The following SH3RF3 variants were observed in gnomAD, a reference collection of about 807,000 sequenced individuals.
SH3RF3 encodes the protein E3 ubiquitin-protein ligase SH3RF3.
Under a neutral mutation model 66.3 loss-of-function variants are expected in SH3RF3, and 29 were observed. That is an observed-to-expected ratio of 0.44 (90% CI 0.33 to 0.60). The LOEUF (loss-of-function observed/expected upper bound fraction) is 0.60. Ranked by LOEUF, SH3RF3 falls within the 20% of genes least tolerant of loss-of-function variation. SH3RF3 has a pLI of 0.04. For missense variants in SH3RF3, 1,194 were observed against 1,190.9 expected (o/e 1.00, Z -0.04); for synonymous variants, 583 against 532.0 (o/e 1.10, Z -1.32).
chr2:109,352,016 C>G (rs949342768), intron 2 of SH3RF3, among the ~76,000 whole-genome samples: 2 of 152,218 alleles, frequency 1.3e-5, no homozygotes, highest in Non-Finnish European at 2.9e-5. Context: ...AGTTCAGGCT[C>G]TAGCATGAGG....
intron 8 of SH3RF3, among the ~76,000 whole-genome samples, chr2:109,469,469 A>G (rs934725240): frequency 6.6e-6 from 1 of 152,232 alleles, no homozygotes; most frequent in Non-Finnish European, 1.5e-5. Context: ...CCTGTTGTGC[A>G]GGGGTCACAC....
At chr2:109,297,766 T>A (rs1681353419) in intron 1 of SH3RF3, among the ~76,000 whole-genome samples, 1 of 148,272 alleles carries the variant, frequency 6.7e-6, no homozygotes, top group East Asian at 2.0e-4. Flanking sequence ...AGTCAGTGCC[T>A]CCCACTCAGT....
intron 1 of SH3RF3, among the ~76,000 whole-genome samples, chr2:109,150,970 G>A (rs773455503): frequency 2.0e-5 from 3 of 152,206 alleles, no homozygotes; most frequent in Non-Finnish European, 2.9e-5. Flanking sequence ...GGGAAGTCAG[G>A]TGGTACCTTT....
At chr2:109,199,617 T>TCAACCC in intron 1 of SH3RF3, among the ~76,000 whole-genome samples, 2 of 258 alleles carry the variant, frequency 7.8e-3, no homozygotes, top group Non-Finnish European at 0.017. Context: ...TGGAATGGAA[T>TCAACCC]GGAATGGAAT....
At chr2:109,148,408 G>A (rs534966445) in intron 1 of SH3RF3, among the ~76,000 whole-genome samples, 4 of 152,306 alleles carry the variant, frequency 2.6e-5, no homozygotes, top group African/African-American at 9.6e-5. Flanking sequence ...GCTTCTTAAA[G>A]GCGTTCTTTT....
chr2:109,275,586 G>A (rs578100557), intron 1 of SH3RF3, among the ~76,000 whole-genome samples: 1 of 152,284 alleles, frequency 6.6e-6, no homozygotes, highest in East Asian at 1.9e-4. Context: ...AGAGTGCCCC[G>A]CACCCGCCGT....
At chr2:109,294,963 G>A (rs184344313) in intron 1 of SH3RF3, among the ~76,000 whole-genome samples, 46 of 152,352 alleles carry the variant, frequency 3.0e-4, no homozygotes, top group African/African-American at 8.4e-4. Flanking sequence ...TCTTTCAGCC[G>A]ATGTTCATTC....
chr2:109,493,322 C>T lies in SH3RF3; in HGVS notation c.2480+2386C>T, dbSNP rs959120056. Among the ~76,000 whole-genome samples, 24 of 143,174 alleles carry T rather than the reference C, an allele frequency of 1.7e-4. 1 individual carries two copies. The East Asian group carries it at 5.2e-3, about 31-fold the overall frequency. 93.9% of individuals were successfully genotyped at this position (143,174 alleles called of 152,430 possible). A position where few individuals can be genotyped will look rare whatever the true frequency, so the allele number is the denominator to read the frequency against. ...TGCACACCATGCAAATATACGTACA[C>T]CATACAAACACACCCCACATACGTC... On this transcript the variant is annotated intron_variant, in intron 9 of 9. Transcript: ENST00000309415.
chr2:109,228,168 A>G (rs1308264787), intron 1 of SH3RF3, among the ~76,000 whole-genome samples: 1 of 152,190 alleles, frequency 6.6e-6, no homozygotes, highest in East Asian at 1.9e-4. Context: ...TTTGGCAAAC[A>G]TGGTGCTACT....
intron 1 of SH3RF3, among the ~76,000 whole-genome samples, chr2:109,155,888 A>G (rs957885437): frequency 6.6e-6 from 1 of 152,198 alleles, no homozygotes; most frequent in African/African-American, 2.4e-5. Context: ...TCTTTCCAAG[A>G]TGGTCATATG....
intron 1 of SH3RF3, among the ~76,000 whole-genome samples, chr2:109,334,541 A>G (rs1682362459): frequency 6.6e-6 from 1 of 152,124 alleles, no homozygotes; most frequent in South Asian, 2.1e-4. Context: ...GGTGCCAGCC[A>G]GCAGGGGAAC....
intron 8 of SH3RF3, among the ~76,000 whole-genome samples, chr2:109,462,018 C>A (rs1678218727): frequency 6.6e-6 from 1 of 151,996 alleles, no homozygotes; most frequent in South Asian, 2.1e-4. Context: ...TGCCCCCACA[C>A]CACCAAACCC....
intron 1 of SH3RF3, among the ~76,000 whole-genome samples, chr2:109,313,293 C>T (rs1224972080): frequency 6.6e-6 from 1 of 152,232 alleles, no homozygotes; most frequent in Admixed American, 6.5e-5. Context: ...ACCTGCTGTA[C>T]ATCCATCCCA....
intron 1 of SH3RF3, among the ~76,000 whole-genome samples, chr2:109,198,249 A>G (rs966624843): frequency 1.3e-5 from 2 of 152,200 alleles, no homozygotes; most frequent in Non-Finnish European, 2.9e-5. Context: ...CCAGCCTGTG[A>G]TCTAAGCCCT....
rs111817562 is a variant in SH3RF3 at position 109,411,522 on chromosome 2, C to T, written c.1300-8017C>T. Among the ~76,000 whole-genome samples the T allele has an allele frequency of 7.9e-3, 1,201 of 152,312 alleles. 15 individuals are homozygous for T. The highest frequency in any genetic ancestry group is 0.012 in the Non-Finnish European group (787 of 68,026). ...CAGCAAATTGCTGCTCGTTTGCATCCGTAGCAACAGAGACCAGATTCAGAG... is the reference window on the plus strand; with the variant it reads ...CAGCAAATTGCTGCTCGTTTGCATCTGTAGCAACAGAGACCAGATTCAGAG... On this transcript the variant is annotated intron_variant, in intron 4 of 9. Coordinates refer to ENST00000309415, the MANE Select transcript of SH3RF3 (RefSeq NM_001099289.3).
chr2:109,416,690 A>G (rs1371925690), intron 4 of SH3RF3, among the ~76,000 whole-genome samples: 1 of 151,856 alleles, frequency 6.6e-6, no homozygotes, highest in East Asian at 2.0e-4. Flanking sequence ...ATATTGTGCC[A>G]CTGTACTCCA....
At chr2:109,417,646 T>C (rs1350918773) in intron 4 of SH3RF3, among the ~76,000 whole-genome samples, 2 of 152,110 alleles carry the variant, frequency 1.3e-5, no homozygotes, top group African/African-American at 2.4e-5. Flanking sequence ...GCAATGGAAG[T>C]CATTTGAGAC....
At chr2:109,360,025 T>G (rs140264863) in intron 2 of SH3RF3, among the ~76,000 whole-genome samples, 1 of 151,042 alleles carries the variant, frequency 6.6e-6, no homozygotes, top group South Asian at 2.1e-4. Context: ...GAGGACCCAC[T>G]TACTGGTCCC....
chr2:109,133,736 T>G (rs1281760115), intron 1 of SH3RF3, among the ~76,000 whole-genome samples: 2 of 152,076 alleles, frequency 1.3e-5, no homozygotes, highest in Non-Finnish European at 2.9e-5. Flanking sequence ...TTTTTTTTTT[T>G]TTTTTGCACT....
Sources: allele counts gnomAD v4.1 joint callset (sites outside exome capture counted in the v4.1 genomes callset), GRCh38; gene constraint gnomAD v4.1.1; transcripts MANE v1.5; gene names NCBI Gene and HGNC (gene_info 2026-07-23, HGNC 2026-07-21).